SLBP: variants seen among roughly 807,000 people sequenced by gnomAD.
SLBP encodes the protein stem-loop histone mRNA binding protein, also known as histone RNA hairpin-binding protein.
SLBP carries 29 observed loss-of-function variants against 39.2 expected under a neutral mutation model. The observed-to-expected ratio is 0.74, with a 90% CI of 0.55 to 1.01. The LOEUF is 1.01. Among genes scored for constraint, SLBP ranks in the 50% least tolerant of loss-of-function variants. The probability of loss-of-function intolerance (pLI) is 0.00; values close to 1 mark genes in which losing one functional copy is unlikely to be tolerated. For synonymous variants in SLBP, 129 were observed against 118.7 expected, an observed-to-expected ratio of 1.09 and a Z score of -0.57; for missense variants, 390 against 350.2, an observed-to-expected ratio of 1.11 and a Z score of -0.91.
chr4:1,699,276 A>G (rs998100482), intron 5 of SLBP, among the ~76,000 whole-genome samples: 1 of 152,122 alleles, frequency 6.6e-6, no homozygotes, highest in African/African-American at 2.4e-5. Flanking sequence ...ATTTTTCCCC[A>G]TCATGTATTT....
intron 2 of SLBP, among the ~76,000 whole-genome samples, chr4:1,709,068 C>CTT (rs3993283): frequency 1.7e-4 from 24 of 145,008 alleles, no homozygotes; most frequent in South Asian, 4.4e-4. Flanking sequence ...AGTCTTTTGT[C>CTT]TTTTTTTTTT....
At chr4:1,708,174 C>T (rs1716596040) in intron 2 of SLBP, among the ~76,000 whole-genome samples, 1 of 151,542 alleles carries the variant, frequency 6.6e-6, no homozygotes, top group Admixed American at 6.6e-5. Flanking sequence ...ACTGCTTGAA[C>T]TTGGAAGGCA....
At chr4:1,703,992 G>A (rs757194907) in intron 2 of SLBP, among the ~76,000 whole-genome samples, 20 of 152,158 alleles carry the variant, frequency 1.3e-4, no homozygotes, top group Non-Finnish European at 2.1e-4. Flanking sequence ...AAGCAAACTA[G>A]ATGTAGAACA....
Position 1,699,604 on chromosome 4 carries a change from T to C in SLBP, c.439A>G (p.Asn147Asp). The part of the protein sequence containing the change: ...RRQKQINYGK[N>D]TIAYDRYIKE... ...ATATAACGATCGTAGGCAATTGTGT[T>C]CTTCCCATAGTTGATCTGCTTCTGT... is the stretch of plus-strand genomic sequence containing the variant. Residue 147 changes from asparagine to aspartate, a missense_variant, in exon 5 of 8, where the codon AAC (asparagine) becomes GAC (aspartate). Coordinates refer to ENST00000489418, the MANE Select transcript of SLBP (RefSeq NM_006527.4). The C allele has an allele frequency of 1.9e-6, 3 of 1,613,958 alleles. No homozygotes were observed. Among genetic ancestry groups the C allele is most frequent in the Non-Finnish European group, 2.5e-6 (3 of 1,179,804 alleles).
chr4:1,711,982 G>A lies in SLBP; in HGVS notation c.68C>T (p.Ser23Phe). The A allele has an allele frequency of 5.4e-6, 7 of 1,296,696 alleles. No individual in the cohort carries two copies. Among genetic ancestry groups the A allele is most frequent in the Non-Finnish European group, 6.8e-6 (7 of 1,022,680 alleles). The allele number at this position is 1,296,696 out of a possible 1,614,324, so 80.3% of individuals were successfully genotyped here. A position where few individuals can be genotyped will look rare whatever the true frequency, so the allele number is the denominator to read the frequency against. ...SRCDGDASPP[S>F]PARWSLGRKR... ...CCGTCCCAGGCTCCATCGCGCGGGG[G>A]ACGGCGGGCTGCGGGGAGGGACGCG... The change falls in exon 2 of 8, where the codon TCC (serine) becomes TTC (phenylalanine). Residue 23 changes from serine (S) to phenylalanine (F), a missense_variant. Transcript: ENST00000489418.
intron 3 of SLBP, among the ~76,000 whole-genome samples, chr4:1,700,448 G>A (rs1310766816): frequency 1.3e-5 from 2 of 151,302 alleles, no homozygotes; most frequent in East Asian, 3.9e-4. Context: ...GCTTTCTATT[G>A]CAGTCATTAC....
rs777836154 is a variant in SLBP at position 1,700,018 on chromosome 4, A to G, written c.334T>C (p.Ser112Pro). 13 of 1,596,810 alleles carry G rather than the reference A, an allele frequency of 8.1e-6. No individual in the cohort carries two copies. Among genetic ancestry groups the G allele is most frequent in the Non-Finnish European group, 1.1e-5 (13 of 1,169,192 alleles). The change falls in exon 4 of 8, where the codon TCA (serine) becomes CCA (proline). Residue 112 changes from serine (S) to proline (P), a missense_variant. Ser to Pro is a moderately conservative substitution (Grantham distance 74, BLOSUM62 -1). Transcript: ENST00000489418. Reference sequence around the variant, plus strand: ...CATTTACACAGCCTTTACCTTCCTGATGATGATTTTCTCTCTCTTCCAAAG... The same window carrying G: ...CATTTACACAGCCTTTACCTTCCTGGTGATGATTTTCTCTCTCTTCCAAAG... ...NDFGRERKSS[S>P]GSSDSKESMS...
intron 2 of SLBP, among the ~76,000 whole-genome samples, chr4:1,709,680 C>T (rs1358557280): frequency 6.6e-6 from 1 of 150,824 alleles, no homozygotes; most frequent in Non-Finnish European, 1.5e-5. Context: ...GGGGCGATCT[C>T]GGCTCATCGC....
At chr4:1,697,475 A>C (rs1308993039) in intron 5 of SLBP, among the ~76,000 whole-genome samples, 2 of 151,982 alleles carry the variant, frequency 1.3e-5, no homozygotes, top group African/African-American at 2.4e-5. Flanking sequence ...CTCAAAAATA[A>C]ATAAATAAAT....
At chr4:1,699,418 G>GTTGCCAATCCAT (rs1716241286) in intron 5 of SLBP, 146 bp downstream of exon 5, 1 of 593,762 alleles carries the variant, frequency 1.7e-6, no homozygotes, top group African/African-American at 1.8e-5. Context: ...CTTTATTTAC[G>GTTGCCAATCCAT]TCATAAGCCC....
chr4:1,700,277 A>G (rs1039708626), intron 3 of SLBP, among the ~76,000 whole-genome samples: 10 of 152,236 alleles, frequency 6.6e-5, no homozygotes, highest in Non-Finnish European at 1.2e-4. Flanking sequence ...TGGCAGCCTT[A>G]AAAAAAGAAA....
chr4:1,701,445 C>T (rs1716326918), intron 3 of SLBP, among the ~76,000 whole-genome samples: 1 of 152,188 alleles, frequency 6.6e-6, no homozygotes, highest in Non-Finnish European at 1.5e-5. Context: ...CCATGCCATG[C>T]AGAAAATCCA....
At chr4:1,712,083 C>A (rs749756712) in intron 1 of SLBP, 47 bp downstream of exon 1, 2 of 1,230,514 alleles carry the variant, frequency 1.6e-6, no homozygotes. Flanking sequence ...ACAACCCCCG[C>A]CCCACGGGGC....
chr4:1,699,433 A>G, intron 5 of SLBP, 131 bp downstream of exon 5: 1 of 720,864 alleles, frequency 1.4e-6, no homozygotes, highest in Non-Finnish European at 2.3e-6. Flanking sequence ...AAGCCCCAGT[A>G]AGTCCCTATT....
intron 2 of SLBP, among the ~76,000 whole-genome samples, chr4:1,706,538 G>A (rs1192161369): frequency 6.6e-6 from 1 of 152,114 alleles, no homozygotes; most frequent in African/African-American, 2.4e-5. Flanking sequence ...CCAGGCAGTG[G>A]CTCACTCCTG....
At chr4:1,705,468 A>T (rs1476495284) in intron 2 of SLBP, among the ~76,000 whole-genome samples, 2 of 152,176 alleles carry the variant, frequency 1.3e-5, no homozygotes, top group African/African-American at 2.4e-5. Context: ...CACACACCAA[A>T]ATCACTAAGA....
At chr4:1,711,179 C>A (rs530805937) in intron 2 of SLBP, among the ~76,000 whole-genome samples, 39 of 151,474 alleles carry the variant, frequency 2.6e-4, no homozygotes, top group South Asian at 2.1e-3. Flanking sequence ...TCACGCCTCC[C>A]ATCCCCAACC....
At chr4:1,707,143 C>T (rs1165787189) in intron 2 of SLBP, among the ~76,000 whole-genome samples, 6 of 150,280 alleles carry the variant, frequency 4.0e-5, no homozygotes, top group East Asian at 1.9e-4. Context: ...GGCGTGAACC[C>T]GGGAAGCGGA....
chr4:1,699,279 A>G (rs1026474555), intron 5 of SLBP, among the ~76,000 whole-genome samples: 2 of 152,154 alleles, frequency 1.3e-5, no homozygotes, highest in African/African-American at 4.8e-5. Flanking sequence ...TTTCCCCATC[A>G]TGTATTTTAA....
Sources: gnomAD v4.1 joint callset for allele counts (sites outside exome capture counted in the v4.1 genomes callset) on GRCh38, gnomAD v4.1.1 for gene constraint, MANE v1.5 for transcripts, NCBI Gene and HGNC (gene_info 2026-07-23, HGNC 2026-07-21) for gene names.